The following MMP9 variants were observed in gnomAD, a reference collection of about 807,000 sequenced individuals.
The protein encoded by MMP9 is matrix metalloproteinase-9.
MMP9 carries 73 observed loss-of-function variants against 76.4 expected under a neutral mutation model. That is an observed-to-expected ratio of 0.96 (90% CI 0.79 to 1.16). The LOEUF (loss-of-function observed/expected upper bound fraction) is 1.16. Among genes scored for constraint, MMP9 ranks in the 50% most tolerant of loss-of-function variants. MMP9 has a pLI of 0.00. For synonymous variants in MMP9, 412 were observed against 408.4 expected (o/e 1.01, Z -0.11); for missense variants, 943 against 973.0 (o/e 0.97, Z 0.41).
rs934502790 is a variant in MMP9 at position 46,010,245 on chromosome 20, C to T, written c.371+147C>T. 7 of 859,646 alleles carry T rather than the reference C, an allele frequency of 8.1e-6. No homozygotes were observed. In the African/African-American group the frequency reaches 1.1e-4, roughly 13 times the overall value. 53.3% of individuals were successfully genotyped at this position (859,646 alleles called of 1,614,324 possible). A position where few individuals can be genotyped will look rare whatever the true frequency, so the allele number is the denominator to read the frequency against. On this transcript the variant is annotated intron_variant, in intron 2 of 12. Transcript: ENST00000372330. The stretch of plus-strand genomic sequence containing the variant: ...CTGGGGAGTGTCCCCACCTCTGAGC[C>T]TCTGTTTCTCCTTCAGGGAAATGGC...
chr20:46,013,497 G>A lies in MMP9; in HGVS notation c.1573G>A (p.Ala525Thr). 1 of 1,614,092 alleles carries A rather than the reference G, an allele frequency of 6.2e-7. No individual in the cohort carries two copies. The highest frequency in any genetic ancestry group is 8.5e-7 in the Non-Finnish European group (1 of 1,180,000). Reference protein sequence around the residue: ...ACNVNIFDAIAEIGNQLYLFK... With the variant: ...ACNVNIFDAITEIGNQLYLFK... ...CAACGTGAACATCTTCGACGCCATC[G>A]CGGAGATTGGGAACCAGCTGTATTT... The change falls in exon 9 of 13, where the codon GCG becomes ACG. Residue 525 changes from alanine to threonine, a missense_variant. Coordinates refer to ENST00000372330, the MANE Select transcript of MMP9 (RefSeq NM_004994.3). The surrounding 1 kb of genome is among the most constrained non-coding windows in gnomAD (Gnocchi z 4.5).
At chr20:46,014,516 GCTCCT>G in intron 12 of MMP9, 42 bp downstream of exon 12, 4 of 1,524,326 alleles carry the variant, frequency 2.6e-6, no homozygotes, top group African/African-American at 1.4e-5. Context: ...ACCACACTAA[GCTCCT>G]CTTAGTGAGT....
In MMP9 at chr20:46,012,136, G is replaced by A. The variant is rs775832512; in HGVS notation, c.998-1G>A. The A allele has an allele frequency of 6.2e-7, 1 of 1,613,954 alleles. No individual in the cohort carries two copies. Among genetic ancestry groups the A allele is most frequent in the South Asian group, 1.1e-5 (1 of 91,084 alleles). ...TCATCCAAGGCCTTGGGTCTCTCCA[G>A]CTGACTCGACGGTGATGGGGGGCAA... On this transcript the variant is annotated splice_acceptor_variant, in intron 6 of 12. Coordinates refer to ENST00000372330, the MANE Select transcript of MMP9 (RefSeq NM_004994.3). LOFTEE classifies it high-confidence loss of function.
chr20:46,010,343 A>AAAAAAAAAAAGT, intron 2 of MMP9, 140 bp from the exon 3 acceptor site: 2 of 926,568 alleles, frequency 2.2e-6, no homozygotes, highest in Non-Finnish European at 3.3e-6. Context: ...AAAAAAAAAC[A>AAAAAAAAAAAGT]GTCTGGAAGC....
At position 46,013,645 on chromosome 20, in the gene MMP9, T is replaced by C; in HGVS notation, c.1611-12T>C. On this transcript the variant is annotated splice_polypyrimidine_tract_variant and intron_variant, in intron 9 of 12. Coordinates refer to ENST00000372330, the MANE Select transcript of MMP9 (RefSeq NM_004994.3). This position sits in a 1 kb window ranked among gnomAD's most constrained non-coding sequence, Gnocchi z 4.5. ...GGCTTAGAGCCCGTCCTTTCCCTCCTCGCTTTCTCAGGAAGTACTGGCGAT... is the reference window on the plus strand; with the variant it reads ...GGCTTAGAGCCCGTCCTTTCCCTCCCCGCTTTCTCAGGAAGTACTGGCGAT... The C allele has an allele frequency of 1.2e-6, 2 of 1,614,058 alleles. No individual in the cohort carries two copies. Among genetic ancestry groups the C allele is most frequent in the Non-Finnish European group, 1.7e-6 (2 of 1,179,970 alleles).
At chr20:46,010,863 G>A (rs903185304) in intron 3 of MMP9, 59 bp from the exon 4 acceptor site, 10 of 1,613,754 alleles carry the variant, frequency 6.2e-6, no homozygotes, top group Non-Finnish European at 8.5e-6. Flanking sequence ...GCCTTGGGCA[G>A]CGCACAATCT....
Position 46,011,218 on chromosome 20 carries a change from C to T in MMP9, c.725C>T (p.Ser242Phe). Residue 242 changes from serine (S) to phenylalanine (F), a missense_variant, in exon 5 of 13, where the codon TCT becomes TTT. Transcript: ENST00000372330. ...TTCATCTTCGAGGGCCGCTCCTACT[C>T]TGCCTGCACCACCGACGGTCGCTCC... is the stretch of plus-strand genomic sequence containing the variant. ...FPFIFEGRSY[S>F]ACTTDGRSDG... is the part of the protein sequence containing the mutation. The T allele has an allele frequency of 1.2e-6, 2 of 1,614,016 alleles. No homozygotes were observed. Among genetic ancestry groups the T allele is most frequent in the South Asian group, 1.1e-5 (1 of 91,082 alleles).
rs2084264922 is a variant in MMP9, at chr20:46,009,996, C to T, written c.269C>T (p.Thr90Met). Residue 90 changes from threonine (T) to methionine (M), a missense_variant, in exon 2 of 13, where the codon ACG becomes ATG. Thr to Met is a moderately conservative substitution (Grantham distance 81). Transcript: ENST00000372330. Reference protein sequence around the residue: ...LPETGELDSATLKAMRTPRCG... With the variant: ...LPETGELDSAMLKAMRTPRCG... ...GAGACCGGTGAGCTGGATAGCGCCA[C>T]GCTGAAGGCCATGCGAACCCCACGG... 1.3e-6 allele frequency: 2 copies of T among 1,551,724 alleles called. No homozygotes were observed. Among genetic ancestry groups the T allele is most frequent in the Non-Finnish European group, 1.7e-6 (2 of 1,146,996 alleles).
At chr20:46,010,717 C>T in intron 3 of MMP9, 86 bp downstream of exon 3, 2 of 1,549,204 alleles carry the variant, frequency 1.3e-6, no homozygotes, top group Non-Finnish European at 1.7e-6. Flanking sequence ...CAGCAGTGGC[C>T]CCGGCTTCCT....
chr20:46,011,104 C>T, intron 4 of MMP9, 39 bp from the exon 5 acceptor site: 1 of 1,613,942 alleles, frequency 6.2e-7, no homozygotes, highest in Non-Finnish European at 8.5e-7. Flanking sequence ...TCCCACTCAT[C>T]ACCCGCCGCC....
intron 1 of MMP9, 144 bp downstream of exon 1, chr20:46,009,208 T>A: frequency 1.0e-6 from 1 of 963,810 alleles, no homozygotes; most frequent in Non-Finnish European, 1.6e-6. Context: ...GTGTCCAGGG[T>A]TAGGCAGTGG....
chr20:46,015,461 T>C (rs1383080579), intron 12 of MMP9, among the ~76,000 whole-genome samples: 1 of 148,748 alleles, frequency 6.7e-6, no homozygotes, highest in Non-Finnish European at 1.5e-5. Context: ...TTCTTTTTTT[T>C]TTTTTTTGAG....
In MMP9 at chr20:46,014,467, G is replaced by T. The variant is rs1309871164; in HGVS notation, c.1998G>T (p.Gln666His). ...CTTTGGACACGCACGACGTCTTCCA[G>T]TACCGAGGTGAGGGCTGAGGAGGAT... ...GVPLDTHDVF[Q>H]YREKAYFCQD... The change falls in exon 12 of 13, where the codon CAG becomes CAT. Residue 666 changes from glutamine to histidine, a missense_variant. Physicochemically the swap from Gln to His is conservative, Grantham distance 24. Coordinates refer to ENST00000372330, the MANE Select transcript of MMP9 (RefSeq NM_004994.3). 1 of 1,550,282 alleles carries T rather than the reference G, an allele frequency of 6.5e-7. No homozygotes were observed. The highest frequency in any genetic ancestry group is 8.7e-7 in the Non-Finnish European group (1 of 1,146,952).
Position 46,012,808 on chromosome 20 carries a change from C to T in MMP9, c.1330+226C>T, listed in dbSNP as rs374797556. ...GATAGGTGTGACTTCAAAAGCCAGT[C>T]TACTCTGGGCATGGTGGCTCACGCC... On this transcript the variant is annotated intron_variant, in intron 8 of 12. Coordinates refer to ENST00000372330, the MANE Select transcript of MMP9 (RefSeq NM_004994.3). Among the ~76,000 whole-genome samples the T allele has an allele frequency of 8.5e-5, 13 of 152,348 alleles. No individual in the cohort carries two copies. In the South Asian group the frequency reaches 1.5e-3, roughly 17 times the overall value.
Position 46,010,982 on chromosome 20 carries a change from C to T in MMP9, c.581C>T (p.Pro194Leu). 6.2e-7 allele frequency: 1 copy of T among 1,614,212 alleles called. No individual in the cohort carries two copies. The highest frequency in any genetic ancestry group is 8.5e-7 in the Non-Finnish European group (1 of 1,180,036). The change falls in exon 4 of 13, where the codon CCT (proline) becomes CTT (leucine). Residue 194 changes from proline to leucine, a missense_variant. Transcript: ENST00000372330. ...GGGCTCCTGGCACACGCCTTTCCTCCTGGCCCCGGCATTCAGGGAGACGCC... is the reference window on the plus strand; with the variant it reads ...GGGCTCCTGGCACACGCCTTTCCTCTTGGCCCCGGCATTCAGGGAGACGCC... Reference protein sequence around the residue: ...KDGLLAHAFPPGPGIQGDAHF... With the variant: ...KDGLLAHAFPLGPGIQGDAHF...
Position 46,014,398 on chromosome 20 carries a change from T to C in MMP9, c.1929T>C (p.Asp643=). Residue 643 remains aspartate (D), a synonymous_variant, in exon 12 of 13, where the codon GAT becomes GAC. Transcript: ENST00000372330. The part of the protein sequence containing the change: ...WRFDVKAQMV[D]PRSASEVDRM... ...TCGACGTGAAGGCGCAGATGGTGGATCCCCGGAGCGCCAGCGAGGTGGACC... is the reference window on the plus strand; with the variant it reads ...TCGACGTGAAGGCGCAGATGGTGGACCCCCGGAGCGCCAGCGAGGTGGACC... The C allele has an allele frequency of 6.5e-7, 1 of 1,549,472 alleles. No individual in the cohort carries two copies. The highest frequency in any genetic ancestry group is 1.2e-5 in the South Asian group (1 of 84,054).
rs1362694625 is a variant in MMP9 at position 46,016,231 on chromosome 20, G to A, written c.2006-19G>A. The A allele has an allele frequency of 6.2e-7, 1 of 1,600,234 alleles. No homozygotes were observed. The highest frequency in any genetic ancestry group is 8.6e-7 in the Non-Finnish European group (1 of 1,167,348). ...GGAGAATTAGAATCACTCCTCTTAT[G>A]CCTGCCTGTCTCCTGCAGAGAAAGC... is the stretch of plus-strand genomic sequence containing the variant. On this transcript the variant is annotated intron_variant, in intron 12 of 12. Coordinates refer to ENST00000372330, the MANE Select transcript of MMP9 (RefSeq NM_004994.3).
intron 2 of MMP9, 52 bp from the exon 3 acceptor site, chr20:46,010,431 C>G: frequency 6.2e-7 from 1 of 1,607,014 alleles, no homozygotes; most frequent in Non-Finnish European, 8.5e-7. Flanking sequence ...TCCCTGCTGC[C>G]CCGCTCCAGC....
Position 46,013,165 on chromosome 20 carries a change from G to T in MMP9, c.1331-90G>T. The stretch of plus-strand genomic sequence containing the variant: ...GAGGAGGGGCCTGTGTGCCAGAGGA[G>T]GCTTCACTGAGAAGCTTAGGGGAGC... On this transcript the variant is annotated intron_variant, in intron 8 of 12. Transcript: ENST00000372330. The surrounding 1 kb of genome is among the most constrained non-coding windows in gnomAD (Gnocchi z 4.5). 6.8e-7 allele frequency: 1 copy of T among 1,474,166 alleles called. No individual in the cohort carries two copies. Among genetic ancestry groups the T allele is most frequent in the African/African-American group, 1.4e-5 (1 of 72,230 alleles). 91.3% of individuals were successfully genotyped at this position (1,474,166 alleles called of 1,614,324 possible).
Sources: gnomAD v4.1 joint callset for allele counts (sites outside exome capture counted in the v4.1 genomes callset) on GRCh38, gnomAD v4.1.1 for gene constraint, Gnocchi (gnomAD v3.1) non-coding constraint, MANE v1.5 for transcripts, NCBI Gene and HGNC (gene_info 2026-07-23, HGNC 2026-07-21) for gene names.